MED26: variants seen among roughly 807,000 people sequenced by gnomAD.
The protein encoded by MED26 is mediator of RNA polymerase II transcription subunit 26.
In MED26, 7 loss-of-function variants were observed where a neutral mutation model predicts 43.7. The observed-to-expected ratio is 0.16, with a 90% CI of 0.09 to 0.30. The LOEUF (loss-of-function observed/expected upper bound fraction) is 0.30. Ranked by LOEUF, MED26 falls within the 10% of genes least tolerant of loss-of-function variation. The probability of loss-of-function intolerance (pLI) is 1.00; values close to 1 mark genes in which losing one functional copy is unlikely to be tolerated. For missense variants in MED26, 784 were observed against 840.6 expected (o/e 0.93, Z 0.83); for synonymous variants, 375 against 371.1 (o/e 1.01, Z -0.12).
rs531804917 is a variant in MED26 at position 16,576,243 on chromosome 19, A to T, written c.1587T>A (p.His529Gln). ...TGGGCGGGCTTTGAGGCACCAGCAC[A>T]TGCAGCTGCCTGGCCCCTTGCCGGG... ...ESTRQGARQLHVLVPQSPPTD... is the reference protein window; with the variant it reads ...ESTRQGARQLQVLVPQSPPTD... Residue 529 changes from histidine to glutamine, a missense_variant, in exon 3 of 3, where the codon CAT becomes CAA. Physicochemically the swap from His to Gln is conservative, Grantham distance 24. Transcript: ENST00000263390. The surrounding 1 kb of genome is among the most constrained non-coding windows in gnomAD (Gnocchi z 6.8). 8.1e-6 allele frequency: 13 copies of T among 1,611,244 alleles called. No individual in the cohort carries two copies. The African/African-American group carries it at 1.7e-4, about 21-fold the overall frequency.
intron 1 of MED26, among the ~76,000 whole-genome samples, chr19:16,625,182 T>C (rs1385189361): frequency 6.6e-6 from 1 of 152,182 alleles, no homozygotes; most frequent in Non-Finnish European, 1.5e-5. Context: ...AGTAGCCTTT[T>C]CAAAAGGAGA....
intron 1 of MED26, among the ~76,000 whole-genome samples, chr19:16,598,165 T>C (rs1652157496): frequency 6.6e-6 from 1 of 151,088 alleles, no homozygotes; most frequent in South Asian, 2.1e-4. Context: ...TGAAACCCTG[T>C]GTCTACTAAA....
chr19:16,600,779 G>A (rs538893639), intron 1 of MED26, among the ~76,000 whole-genome samples: 33 of 152,292 alleles, frequency 2.2e-4, no homozygotes, highest in African/African-American at 7.7e-4. Context: ...CAGTGAGGCC[G>A]ATCAGGCACT....
chr19:16,623,681 G>A (rs1351782071), intron 1 of MED26, among the ~76,000 whole-genome samples: 2 of 152,096 alleles, frequency 1.3e-5, no homozygotes, highest in Non-Finnish European at 1.5e-5. Context: ...ACTTGTAGGG[G>A]ACGTTACAGG....
intron 1 of MED26, among the ~76,000 whole-genome samples, chr19:16,617,179 A>G (rs1330711675): frequency 2.6e-5 from 4 of 152,184 alleles, no homozygotes; most frequent in African/African-American, 9.7e-5. Context: ...GAGGCAATGC[A>G]CAAGTCTTCC....
chr19:16,613,487 A>C (rs1213375328), intron 1 of MED26, among the ~76,000 whole-genome samples: 3 of 152,108 alleles, frequency 2.0e-5, no homozygotes, highest in Non-Finnish European at 4.4e-5. Context: ...CCGAGGTGGA[A>C]AAAGACAGCA....
intron 1 of MED26, among the ~76,000 whole-genome samples, chr19:16,605,177 A>C (rs2086166985): frequency 6.6e-6 from 1 of 152,272 alleles, no homozygotes; most frequent in Admixed American, 6.5e-5. Context: ...ACAAATGTGA[A>C]AGCAAGACAG....
intron 1 of MED26, among the ~76,000 whole-genome samples, chr19:16,597,794 C>T (rs1324458419): frequency 6.6e-6 from 1 of 152,172 alleles, no homozygotes; most frequent in Non-Finnish European, 1.5e-5. Flanking sequence ...GTGATCTCAG[C>T]TCACCGCAAC....
Position 16,577,521 on chromosome 19 carries a change from A to G in MED26, c.309T>C (p.Ser103=). 1 of 1,602,610 alleles carries G rather than the reference A, an allele frequency of 6.2e-7. No homozygotes were observed. Among genetic ancestry groups the G allele is most frequent in the South Asian group, 1.1e-5 (1 of 90,724 alleles). Reference sequence around the variant, plus strand: ...GGCAGTTGTGTGCGCCCCCGTTGGCAGAGCCGGTGGCCCCCGCCAGCCCCC... The same window carrying G: ...GGCAGTTGTGTGCGCCCCCGTTGGCGGAGCCGGTGGCCCCCGCCAGCCCCC... The part of the protein sequence containing the change: ...ALRGLAGATG[S]ANGGAHNCRP... The change falls in exon 3 of 3, where the codon TCT becomes TCC. Residue 103 remains serine (S), a synonymous_variant. Coordinates refer to ENST00000263390, the MANE Select transcript of MED26 (RefSeq NM_004831.5). The surrounding 1 kb of genome is among the most constrained non-coding windows in gnomAD (Gnocchi z 8.1).
chr19:16,614,022 G>A (rs566180694), intron 1 of MED26, among the ~76,000 whole-genome samples: 2 of 152,218 alleles, frequency 1.3e-5, no homozygotes, highest in East Asian at 3.9e-4. Context: ...TCATGATCAG[G>A]GTGACTAAAT....
intron 1 of MED26, among the ~76,000 whole-genome samples, chr19:16,581,052 C>T (rs1475948781): frequency 6.6e-6 from 1 of 152,200 alleles, no homozygotes; most frequent in Non-Finnish European, 1.5e-5. Context: ...TGCCCCACTT[C>T]CAGTGGGAGG....
At chr19:16,602,289 T>C (rs1189891561) in intron 1 of MED26, among the ~76,000 whole-genome samples, 1 of 152,212 alleles carries the variant, frequency 6.6e-6, no homozygotes, top group African/African-American at 2.4e-5. Flanking sequence ...GGGCATTTCA[T>C]TCCTTCTCAC....
intron 1 of MED26, among the ~76,000 whole-genome samples, chr19:16,583,593 G>A (rs1002871210): frequency 6.6e-6 from 1 of 152,164 alleles, no homozygotes; most frequent in African/African-American, 2.4e-5. Context: ...TCTGGAAGCA[G>A]GTGGGACCTC....
chr19:16,621,309 G>A (rs935400980), intron 1 of MED26, among the ~76,000 whole-genome samples: 1 of 152,212 alleles, frequency 6.6e-6, no homozygotes, highest in Non-Finnish European at 1.5e-5. Context: ...AAGAAGCAAT[G>A]AGACACTCCA....
Position 16,586,312 on chromosome 19 carries a change from G to A in MED26, c.73-7903C>T, listed in dbSNP as rs905316563. On this transcript the variant is annotated intron_variant, in intron 1 of 2. Transcript: ENST00000263390. This position sits in a 1 kb window ranked among gnomAD's most constrained non-coding sequence, Gnocchi z 5.1. Reference sequence around the variant, plus strand: ...GGGCCAGGAAGGTAATGGAGGTCCCGGGTAGACCACACAGCTAGAAGATGG... The same window carrying A: ...GGGCCAGGAAGGTAATGGAGGTCCCAGGTAGACCACACAGCTAGAAGATGG... Among the ~76,000 whole-genome samples the A allele has an allele frequency of 3.9e-5, 6 of 152,218 alleles. No individual in the cohort carries two copies. The highest frequency in any genetic ancestry group is 6.5e-5 in the Admixed American group (1 of 15,286).
chr19:16,584,247 C>T (rs1203718670), intron 1 of MED26, among the ~76,000 whole-genome samples: 5 of 149,334 alleles, frequency 3.3e-5, no homozygotes, highest in African/African-American at 1.2e-4. Context: ...AGCAAGACTC[C>T]GTCTCAAAAA....
chr19:16,615,591 A>C (rs2086222027), intron 1 of MED26, among the ~76,000 whole-genome samples: 1 of 152,118 alleles, frequency 6.6e-6, no homozygotes. Flanking sequence ...TACTAAAAAT[A>C]CAAAATTAGC....
At chr19:16,618,818 A>T (rs2086237643) in intron 1 of MED26, among the ~76,000 whole-genome samples, 3 of 152,226 alleles carry the variant, frequency 2.0e-5, no homozygotes, top group Non-Finnish European at 4.4e-5. Flanking sequence ...TCAAACTGCT[A>T]ATCCAATCAA....
chr19:16,610,379 T>C (rs1194465840), intron 1 of MED26: 1 of 152,054 alleles, frequency 6.6e-6, no homozygotes, highest in Non-Finnish European at 1.5e-5. Context: ...CTGTATTTTA[T>C]TTTCCTTATA....
Sources: gnomAD v4.1 joint callset for allele counts (sites outside exome capture counted in the v4.1 genomes callset) on GRCh38, gnomAD v4.1.1 for gene constraint, Gnocchi (gnomAD v3.1) non-coding constraint, MANE v1.5 for transcripts, NCBI Gene and HGNC (gene_info 2026-07-23, HGNC 2026-07-21) for gene names.